Variants in YTHDF3 observed in about 807,000 individuals in gnomAD.
The protein encoded by YTHDF3 is YTH domain-containing family protein 3.
YTHDF3 carries 9 observed loss-of-function variants against 52.5 expected under a neutral mutation model. That is an observed-to-expected ratio of 0.17 (90% CI 0.10 to 0.30). YTHDF3 has a LOEUF of 0.30. YTHDF3 is among the 10% of genes least tolerant of loss of function. The pLI is 1.00. For missense variants in YTHDF3, 534 were observed against 715.0 expected, an observed-to-expected ratio of 0.75 and a Z score of 2.89; for synonymous variants, 274 against 243.3, an observed-to-expected ratio of 1.13 and a Z score of -1.18.
At chr8:63,198,683 A>G (rs1047849864) in intron 4 of YTHDF3, among the ~76,000 whole-genome samples, 4 of 152,218 alleles carry the variant, frequency 2.6e-5, no homozygotes, top group Non-Finnish European at 4.4e-5. Flanking sequence ...ACTTTGTGTT[A>G]ACATAGAAGA....
At chr8:63,177,328 A>G (rs75282972) in intron 3 of YTHDF3, among the ~76,000 whole-genome samples, 66 of 152,280 alleles carry the variant, frequency 4.3e-4, no homozygotes, top group African/African-American at 1.4e-3. Context: ...ACCCCTTCCT[A>G]TCTACTGAGC....
intron 2 of YTHDF3, 70 bp downstream of exon 2, chr8:63,169,481 T>G: frequency 6.7e-7 from 1 of 1,499,788 alleles, no homozygotes; most frequent in Non-Finnish European, 9.0e-7. Context: ...TCTGTGAGGG[T>G]ATTTTGTTTG....
At chr8:63,206,330 T>A (rs1810030891) in intron 4 of YTHDF3, among the ~76,000 whole-genome samples, 1 of 152,190 alleles carries the variant, frequency 6.6e-6, no homozygotes, top group Non-Finnish European at 1.5e-5. Flanking sequence ...CCCAAAGTGC[T>A]GGGATTACAG....
chr8:63,208,077 T>C (rs923325920), intron 4 of YTHDF3, among the ~76,000 whole-genome samples: 1 of 152,224 alleles, frequency 6.6e-6, no homozygotes, highest in Non-Finnish European at 1.5e-5. Flanking sequence ...GTTTACTCTC[T>C]TGAAATGTAC....
intron 3 of YTHDF3, among the ~76,000 whole-genome samples, chr8:63,179,814 A>G (rs1807961020): frequency 6.8e-6 from 1 of 147,346 alleles, no homozygotes; most frequent in Admixed American, 6.7e-5. Flanking sequence ...GGTGCCCCTC[A>G]CCTCCCGGAC....
intron 4 of YTHDF3, among the ~76,000 whole-genome samples, chr8:63,194,747 A>G (rs555587874): frequency 2.7e-4 from 41 of 152,308 alleles, no homozygotes; most frequent in African/African-American, 6.0e-4. Flanking sequence ...TTCTTCTAGT[A>G]GTGAATCCAG....
intron 3 of YTHDF3, among the ~76,000 whole-genome samples, chr8:63,178,129 T>C (rs956266491): frequency 3.9e-5 from 6 of 152,238 alleles, no homozygotes; most frequent in African/African-American, 1.4e-4. Context: ...TGAGTAATCT[T>C]CTTGCATGTT....
At chr8:63,193,255 G>A (rs1483731985) in intron 4 of YTHDF3, among the ~76,000 whole-genome samples, 1 of 151,668 alleles carries the variant, frequency 6.6e-6, no homozygotes, top group Non-Finnish European at 1.5e-5. Flanking sequence ...GTGCATGCCT[G>A]TAGTCCCAGC....
Position 63,179,509 on chromosome 8 carries a change from A to T in YTHDF3, c.135+4093A>T, listed in dbSNP as rs544421102. On this transcript the variant is annotated intron_variant, in intron 3 of 4. Transcript: ENST00000539294. ...ATTCAACCCTGAGTGGATACAGCAC[A>T]TGTTTCAGAGAGCACAGGGTTGGGG... Among the ~76,000 whole-genome samples, 525 of 152,324 alleles carry T rather than the reference A, an allele frequency of 3.4e-3. 4 individuals are homozygous for T. The highest frequency in any genetic ancestry group is 0.012 in the African/African-American group (483 of 41,574).
chr8:63,193,045 T>G (rs1339661040), intron 4 of YTHDF3, among the ~76,000 whole-genome samples: 1 of 152,058 alleles, frequency 6.6e-6, no homozygotes, highest in Non-Finnish European at 1.5e-5. Flanking sequence ...TTGATTAGAT[T>G]AAAATCTGTC....
chr8:63,175,251 GA>G (rs1313844502), intron 2 of YTHDF3, 79 bp from the exon 3 acceptor site: 10 of 1,086,654 alleles, frequency 9.2e-6, no homozygotes, highest in Non-Finnish European at 1.1e-5. Flanking sequence ...TTTTTGGCTT[GA>G]AAAATATTAA....
intron 4 of YTHDF3, among the ~76,000 whole-genome samples, chr8:63,209,167 C>T (rs914099017): frequency 1.1e-4 from 16 of 152,140 alleles, no homozygotes; most frequent in Non-Finnish European, 2.1e-4. Flanking sequence ...TGCGCCCGGC[C>T]TCATGTTACT....
chr8:63,168,663 A>C lies in YTHDF3; in HGVS notation c.-215A>C. 1 of 833,506 alleles carries C rather than the reference A, an allele frequency of 1.2e-6. No homozygotes were observed. The allele number at this position is 833,506 out of a possible 1,614,324, so 51.6% of individuals were successfully genotyped here. A position where few individuals can be genotyped will look rare whatever the true frequency, so the allele number is the denominator to read the frequency against. On this transcript the variant is annotated 5_prime_UTR_variant, in exon 1 of 5. Coordinates refer to ENST00000539294, the MANE Select transcript of YTHDF3 (RefSeq NM_152758.6). ...CCGCCATTGTGGACCCGAGAAGCAGAGAGCGAGAGGGGGAAGAGGAGCGTG... is the reference window on the plus strand; with the variant it reads ...CCGCCATTGTGGACCCGAGAAGCAGCGAGCGAGAGGGGGAAGAGGAGCGTG...
In YTHDF3 at chr8:63,170,314, A is replaced by T. The variant is rs1168236614; in HGVS notation, c.49+903A>T. On this transcript the variant is annotated intron_variant, in intron 2 of 4. Transcript: ENST00000539294. ...ATCTATAATAGCCTTTTAGATATAGATTGTCTTTGGTGCCCTTTAAATTCT... is the reference window on the plus strand; with the variant it reads ...ATCTATAATAGCCTTTTAGATATAGTTTGTCTTTGGTGCCCTTTAAATTCT... Among the ~76,000 whole-genome samples the T allele has an allele frequency of 2.0e-5, 3 of 152,236 alleles. No individual in the cohort carries two copies. The Middle Eastern group carries it at 0.01, about 521-fold the overall frequency.
intron 4 of YTHDF3, among the ~76,000 whole-genome samples, chr8:63,199,908 G>A (rs1809488867): frequency 1.3e-5 from 2 of 152,178 alleles, no homozygotes; most frequent in Admixed American, 1.3e-4. Context: ...AGTAGGGATA[G>A]TGTTTGGTCT....
At chr8:63,184,918 A>G (rs59237713) in intron 3 of YTHDF3, among the ~76,000 whole-genome samples, 198 of 152,310 alleles carry the variant, frequency 1.3e-3, no homozygotes, top group African/African-American at 4.7e-3. Context: ...CAGGAGTTCA[A>G]GACCATCCTG....
intron 4 of YTHDF3, among the ~76,000 whole-genome samples, chr8:63,203,790 G>C (rs1347556460): frequency 6.6e-6 from 1 of 152,144 alleles, no homozygotes; most frequent in East Asian, 1.9e-4. Context: ...AAGAGTACTT[G>C]TCAGGTATTT....
chr8:63,189,698 G>A (rs1399002854), intron 4 of YTHDF3, among the ~76,000 whole-genome samples: 3 of 152,194 alleles, frequency 2.0e-5, no homozygotes, highest in Non-Finnish European at 4.4e-5. Context: ...GTTAATTGGG[G>A]TGTTTATTGA....
chr8:63,180,634 G>A (rs1585749412), intron 3 of YTHDF3, among the ~76,000 whole-genome samples: 1 of 152,226 alleles, frequency 6.6e-6, no homozygotes, highest in South Asian at 2.1e-4. Flanking sequence ...GCTGGGAGGT[G>A]GAGGTTGTAG....
Sources: allele counts gnomAD v4.1 joint callset (sites outside exome capture counted in the v4.1 genomes callset), GRCh38; gene constraint gnomAD v4.1.1; transcripts MANE v1.5; gene names NCBI Gene and HGNC (gene_info 2026-07-23, HGNC 2026-07-21).